WDR89: variants seen among roughly 807,000 people sequenced by gnomAD.
The protein encoded by WDR89 is WD repeat-containing protein 89.
Under a neutral mutation model 29.1 loss-of-function variants are expected in WDR89, and 17 were observed. That is an observed-to-expected ratio of 0.58 (90% CI 0.40 to 0.88). WDR89 has a LOEUF of 0.88. Among genes scored for constraint, WDR89 ranks in the 40% least tolerant of loss-of-function variants. WDR89 has a pLI of 0.00. For synonymous variants in WDR89, 138 were observed against 157.8 expected (o/e 0.87, Z 0.94); for missense variants, 396 against 456.3 (o/e 0.87, Z 1.20).
At chr14:63,639,592 A>T (rs980822882) in intron 1 of WDR89, among the ~76,000 whole-genome samples, 2 of 152,208 alleles carry the variant, frequency 1.3e-5, no homozygotes, top group Non-Finnish European at 2.9e-5. Flanking sequence ...TCTGCCCTAA[A>T]ATATTGAACA....
chr14:63,618,903 T>G (rs904056215), intron 2 of WDR89, among the ~76,000 whole-genome samples: 1 of 152,176 alleles, frequency 6.6e-6, no homozygotes, highest in Non-Finnish European at 1.5e-5. Flanking sequence ...AAAGGAATAA[T>G]GCCTTGAAAA....
chr14:63,626,120 A>G (rs375273196), intron 1 of WDR89, among the ~76,000 whole-genome samples: 43 of 152,156 alleles, frequency 2.8e-4, no homozygotes, highest in South Asian at 8.3e-4. Context: ...CCAAAGTGCT[A>G]GGATCACAGG....
In WDR89 at chr14:63,634,292, C is replaced by T. The variant is rs140760982; in HGVS notation, c.-138+7512G>A. Among the ~76,000 whole-genome samples the T allele has an allele frequency of 2.1e-3, 326 of 152,224 alleles. 3 individuals carry two copies. Among genetic ancestry groups the T allele is most frequent in the African/African-American group, 7.4e-3 (309 of 41,546 alleles). ...ATCCCAGCACTTTGGGAGCCCAAGG[C>T]GGGTGGATCACCTGATGTCAGGAGC... On this transcript the variant is annotated intron_variant, in intron 1 of 2. Transcript: ENST00000620954.
chr14:63,603,730 C>G (rs1895186266), intron 2 of WDR89, among the ~76,000 whole-genome samples: 1 of 152,156 alleles, frequency 6.6e-6, no homozygotes, highest in South Asian at 2.1e-4. Context: ...AGTCTGTAAG[C>G]CCCACATGAG....
At chr14:63,612,605 C>G (rs1269756071) in intron 2 of WDR89, among the ~76,000 whole-genome samples, 4 of 152,076 alleles carry the variant, frequency 2.6e-5, no homozygotes, top group Admixed American at 2.6e-4. Flanking sequence ...AAACTCCTGA[C>G]CTCAGGTGAT....
At position 63,598,056 on chromosome 14, in the gene WDR89, T is replaced by A. The variant is rs1014246809; in HGVS notation, c.*723A>T. On this transcript the variant is annotated 3_prime_UTR_variant, in exon 3 of 3. Coordinates refer to ENST00000620954, the MANE Select transcript of WDR89 (RefSeq NM_080666.4). ...GAGAAAAGCCCAGGTTATCCTCAGATTTATGGTTTGGACAACAGGAAGAAT... is the reference window on the plus strand; with the variant it reads ...GAGAAAAGCCCAGGTTATCCTCAGAATTATGGTTTGGACAACAGGAAGAAT... 1 of 152,180 alleles carries A rather than the reference T, an allele frequency of 6.6e-6. No individual in the cohort carries two copies. The highest frequency in any genetic ancestry group is 1.5e-5 in the Non-Finnish European group (1 of 68,040). 9.4% of individuals were successfully genotyped at this position (152,180 alleles called of 1,614,324 possible). A position where few individuals can be genotyped will look rare whatever the true frequency, so the allele number is the denominator to read the frequency against.
intron 2 of WDR89, among the ~76,000 whole-genome samples, chr14:63,607,979 G>A (rs962521998): frequency 3.3e-5 from 5 of 151,856 alleles, no homozygotes; most frequent in African/African-American, 9.7e-5. Context: ...AGGCCAAGGC[G>A]GGCAGATCAC....
rs752393877 is a variant in WDR89 at position 63,598,890 on chromosome 14, T to C, written c.1053A>G (p.Gly351=). Residue 351 remains glycine (G), a synonymous_variant, in exon 3 of 3, where the codon GGA becomes GGG. Coordinates refer to ENST00000620954, the MANE Select transcript of WDR89 (RefSeq NM_080666.4). ...EDAQLLLWKP[G]AIEKTFTKKE... ...TCTTTGTAAAGGTCTTCTCTATAGC[T>C]CCAGGTTTCCAAAGTAACAACTGTG... is the stretch of plus-strand genomic sequence containing the variant. 2.5e-6 allele frequency: 4 copies of C among 1,614,088 alleles called. No individual in the cohort carries two copies. In the African/African-American group the frequency reaches 4.0e-5, roughly 16 times the overall value.
chr14:63,619,399 A>G (rs939727995), intron 2 of WDR89, among the ~76,000 whole-genome samples: 4 of 152,208 alleles, frequency 2.6e-5, no homozygotes, highest in African/African-American at 7.2e-5. Context: ...AGTCTCTACT[A>G]TTCTTCTATA....
intron 1 of WDR89, among the ~76,000 whole-genome samples, chr14:63,636,975 G>A (rs1214393250): frequency 1.3e-5 from 2 of 152,120 alleles, no homozygotes; most frequent in African/African-American, 2.4e-5. Flanking sequence ...AGAGTCAATA[G>A]ACAACAACAG....
At chr14:63,614,596 T>C (rs780619381) in intron 2 of WDR89, among the ~76,000 whole-genome samples, 12 of 152,184 alleles carry the variant, frequency 7.9e-5, no homozygotes, top group Non-Finnish European at 1.5e-4. Flanking sequence ...ATCACACATA[T>C]GCGTTACCAG....
At chr14:63,627,464 ACT>A (rs1047629422) in intron 1 of WDR89, among the ~76,000 whole-genome samples, 3 of 152,172 alleles carry the variant, frequency 2.0e-5, no homozygotes, top group Non-Finnish European at 2.9e-5. Context: ...CTTAGGGTTC[ACT>A]TTTTGTTTTG....
chr14:63,616,778 G>A (rs950687216), intron 2 of WDR89, among the ~76,000 whole-genome samples: 2 of 152,234 alleles, frequency 1.3e-5, no homozygotes, highest in South Asian at 2.1e-4. Flanking sequence ...TGTAGGCTGA[G>A]AGCAGGTAAG....
intron 1 of WDR89, among the ~76,000 whole-genome samples, chr14:63,630,105 G>A (rs1423064638): frequency 6.6e-6 from 1 of 151,932 alleles, no homozygotes; most frequent in African/African-American, 2.4e-5. Context: ...ATGCCACCAT[G>A]CCCGGCTAAT....
At chr14:63,602,212 T>G (rs575140583) in intron 2 of WDR89, among the ~76,000 whole-genome samples, 2 of 152,280 alleles carry the variant, frequency 1.3e-5, no homozygotes, top group Admixed American at 1.3e-4. Context: ...TGGTGGCTCA[T>G]GCCTGTAATC....
chr14:63,610,702 C>CTTTTTT lies in WDR89; in HGVS notation c.-31-10735_-31-10730dup, dbSNP rs1009799974. 4.0e-4 allele frequency among the ~76,000 whole-genome samples: 52 copies of CTTTTTT among 129,126 alleles called. 1 individual carries two copies. The highest frequency in any genetic ancestry group is 5.2e-4 in the African/African-American group (18 of 34,884). 84.7% of individuals were successfully genotyped at this position (129,126 alleles called of 152,430 possible). Reference sequence around the variant, plus strand: ...GAGGAATATTCTTTTCTTTTCTTTTCTTTTTTTTTTTTTTTTTTGAGAGGG... The same window carrying CTTTTTT: ...GAGGAATATTCTTTTCTTTTCTTTTCTTTTTTTTTTTTTTTTTTTTTTTTGAGAGGG... On this transcript the variant is annotated intron_variant, in intron 2 of 2. Transcript: ENST00000620954.
At chr14:63,627,882 G>T (rs1369726128) in intron 1 of WDR89, among the ~76,000 whole-genome samples, 1 of 152,026 alleles carries the variant, frequency 6.6e-6, no homozygotes, top group Non-Finnish European at 1.5e-5. Context: ...AGCCCAGGAG[G>T]TCGAGTAGAG....
rs1290890640 is a variant in WDR89 at position 63,599,062 on chromosome 14, C to G, written c.881G>C (p.Gly294Ala). 2 of 1,614,038 alleles carry G rather than the reference C, an allele frequency of 1.2e-6. No individual in the cohort carries two copies. Among genetic ancestry groups the G allele is most frequent in the Non-Finnish European group, 1.7e-6 (2 of 1,180,024 alleles). The change falls in exon 3 of 3, where the codon GGA (glycine) becomes GCA (alanine). Residue 294 changes from glycine to alanine, a missense_variant. Gly to Ala is a moderately conservative substitution (Grantham distance 60). Transcript: ENST00000620954. ...EKTDTLHVIG[G>A]TNKGRIHLMN... is the part of the protein sequence containing the mutation. ...CAAATGAATCCTTCCTTTGTTTGTT[C>G]CTCCAATAACATGCAATGTGTCTGT...
intron 1 of WDR89, among the ~76,000 whole-genome samples, chr14:63,633,531 G>A (rs148710857): frequency 1.8e-3 from 276 of 152,184 alleles, no homozygotes; most frequent in African/African-American, 6.2e-3. Flanking sequence ...TGCATTTTGA[G>A]GTTGATTCAC....
Sources: allele counts gnomAD v4.1 joint callset (sites outside exome capture counted in the v4.1 genomes callset), GRCh38; gene constraint gnomAD v4.1.1; transcripts MANE v1.5; gene names NCBI Gene and HGNC (gene_info 2026-07-23, HGNC 2026-07-21).